The following SLC24A2 variants were observed in gnomAD, a reference collection of about 807,000 sequenced individuals.
SLC24A2 encodes solute carrier family 24 member 2, also known as sodium/potassium/calcium exchanger 2.
In SLC24A2, 36 loss-of-function variants were observed where a neutral mutation model predicts 62.0. The ratio of observed to expected loss-of-function variants is 0.58; its 90% CI spans 0.44 to 0.77. The LOEUF (loss-of-function observed/expected upper bound fraction) is 0.77. Among genes scored for constraint, SLC24A2 ranks in the 30% least tolerant of loss-of-function variants. SLC24A2 has a pLI of 0.00. For synonymous variants in SLC24A2, 358 were observed against 294.0 expected (o/e 1.22, Z -2.23); for missense variants, 846 against 817.9 (o/e 1.03, Z -0.42).
At chr9:20,246,738 C>G in the SLC24A2 span, among the ~76,000 whole-genome samples, 1 of 152,176 alleles carries the variant, frequency 6.6e-6, no homozygotes, top group African/African-American at 2.4e-5. Context: ...GCCTTGGAAT[C>G]CTTCAGCAAC....
the SLC24A2 span, among the ~76,000 whole-genome samples, chr9:20,019,079 AAG>A: frequency 1.8e-5 from 2 of 112,630 alleles, no homozygotes; most frequent in African/African-American, 3.4e-5. Flanking sequence ...GAAACAGAGA[AAG>A]AGAGAAAGAA....
At chr9:20,109,830 G>A in the SLC24A2 span, among the ~76,000 whole-genome samples, 3 of 152,044 alleles carry the variant, frequency 2.0e-5, no homozygotes, top group South Asian at 2.1e-4. Context: ...CAACACACAA[G>A]GAGAGCACAC....
the SLC24A2 span, among the ~76,000 whole-genome samples, chr9:20,269,413 T>G: frequency 6.6e-6 from 1 of 152,074 alleles, no homozygotes; most frequent in Non-Finnish European, 1.5e-5. Context: ...GCTCTTCTCC[T>G]CCTCCCACCC....
At position 19,509,549 on chromosome 9, in the gene SLC24A2, T is replaced by C. The variant is rs556694381; in HGVS notation, c.*6604A>G. 5 of 152,278 alleles carry C rather than the reference T, an allele frequency of 3.3e-5. No individual in the cohort carries two copies. The South Asian group carries it at 6.2e-4, about 19-fold the overall frequency. The allele number at this position is 152,278 out of a possible 1,614,324, so 9.4% of individuals were successfully genotyped here. On this transcript the variant is annotated 3_prime_UTR_variant, in exon 11 of 11. Transcript: ENST00000341998. ...TCTTATGAAGTACTATAAAGTGCAA[T>C]ATTAAAAAATTAAAAAACCCAAAAG... is the stretch of plus-strand genomic sequence containing the variant.
intron 4 of SLC24A2, among the ~76,000 whole-genome samples, chr9:19,612,042 G>A (rs1267280914): frequency 1.3e-5 from 2 of 152,088 alleles, no homozygotes; most frequent in African/African-American, 4.8e-5. Flanking sequence ...AAACCACTTG[G>A]GGTCTCAGTT....
intron 2 of SLC24A2, among the ~76,000 whole-genome samples, chr9:19,696,332 C>A (rs1336503769): frequency 6.6e-6 from 1 of 152,130 alleles, no homozygotes; most frequent in Admixed American, 6.5e-5. Flanking sequence ...ACTCGTCTAC[C>A]AAATCTATAA....
chr9:19,855,965 T>C, the SLC24A2 span, among the ~76,000 whole-genome samples: 14 of 152,260 alleles, frequency 9.2e-5, no homozygotes, highest in East Asian at 2.7e-3. Flanking sequence ...CTCATAGTTC[T>C]TGGAGGTTTT....
chr9:20,265,388 G>T, the SLC24A2 span, among the ~76,000 whole-genome samples: 33 of 152,306 alleles, frequency 2.2e-4, 1 homozygote, highest in South Asian at 6.8e-3. Context: ...CATAAATTGT[G>T]AAGATTTCAT....
In SLC24A2 at chr9:19,515,143, T is replaced by C. The variant is rs1346742679; in HGVS notation, c.*1010A>G. 1 of 152,138 alleles carries C rather than the reference T, an allele frequency of 6.6e-6. No homozygotes were observed. The allele number at this position is 152,138 out of a possible 1,614,324, so 9.4% of individuals were successfully genotyped here. ...CTTTTGATGATAATGGGACATGCGC[T>C]GGAAAAATACAGGTTCAGTTTATAT... is the stretch of plus-strand genomic sequence containing the variant. On this transcript the variant is annotated 3_prime_UTR_variant, in exon 11 of 11. Transcript: ENST00000341998.
chr9:19,785,052 C>T (rs1192222303), intron 2 of SLC24A2, among the ~76,000 whole-genome samples: 1 of 152,166 alleles, frequency 6.6e-6, no homozygotes, highest in East Asian at 1.9e-4. Context: ...TTTAAAATCA[C>T]ATTCAGAGAT....
At chr9:20,071,992 G>C in the SLC24A2 span, among the ~76,000 whole-genome samples, 1 of 151,958 alleles carries the variant, frequency 6.6e-6, no homozygotes, top group Non-Finnish European at 1.5e-5. Context: ...GTCTGGAAGG[G>C]TCCCAAGCAC....
At chr9:19,772,699 C>A (rs546327143) in intron 2 of SLC24A2, among the ~76,000 whole-genome samples, 4 of 152,214 alleles carry the variant, frequency 2.6e-5, no homozygotes, top group East Asian at 3.9e-4. Flanking sequence ...AAGCTAATAA[C>A]AAATGTCGGC....
chr9:19,816,916 C>A, the SLC24A2 span, among the ~76,000 whole-genome samples: 10 of 152,038 alleles, frequency 6.6e-5, no homozygotes, highest in Admixed American at 3.9e-4. Context: ...TGGGTGAGGA[C>A]AAACATACAA....
chr9:20,095,036 T>C, the SLC24A2 span, among the ~76,000 whole-genome samples: 1 of 152,202 alleles, frequency 6.6e-6, no homozygotes, highest in Non-Finnish European at 1.5e-5. Flanking sequence ...TTTTTAAATA[T>C]ACTTTAACCA....
intron 7 of SLC24A2, among the ~76,000 whole-genome samples, chr9:19,555,332 A>C (rs1178614667): frequency 1.3e-5 from 2 of 152,208 alleles, no homozygotes; most frequent in African/African-American, 2.4e-5. Context: ...GAGAAACTGA[A>C]AAATCTTAGA....
In SLC24A2 at chr9:19,735,197, T is replaced by G. The variant is rs1449162673; in HGVS notation, c.930+50740A>C. Among the ~76,000 whole-genome samples the G allele has an allele frequency of 2.7e-5, 4 of 149,734 alleles. 1 individual carries two copies. Among genetic ancestry groups the G allele is most frequent in the East Asian group, 1.9e-4 (1 of 5,132 alleles). On this transcript the variant is annotated intron_variant, in intron 2 of 10. Transcript: ENST00000341998. ...AAACCCCATCAACAAGTGGGCAAAG[T>G]ATATGAACAGACACTTCTCAAAAGA... is the stretch of plus-strand genomic sequence containing the variant.
intron 2 of SLC24A2, among the ~76,000 whole-genome samples, chr9:19,754,034 T>TA (rs1025754028): frequency 2.0e-5 from 3 of 152,056 alleles, no homozygotes; most frequent in African/African-American, 4.8e-5. Context: ...AAAGCACACT[T>TA]AAAAAAAATT....
chr9:20,002,013 CT>C, the SLC24A2 span, among the ~76,000 whole-genome samples: 2 of 152,136 alleles, frequency 1.3e-5, no homozygotes, highest in East Asian at 3.9e-4. Flanking sequence ...TGATAGAATT[CT>C]TTTGATTTTC....
the SLC24A2 span, among the ~76,000 whole-genome samples, chr9:19,821,789 A>G: frequency 4.1e-4 from 63 of 152,278 alleles, 1 homozygote; most frequent in African/African-American, 1.5e-3. Context: ...TTGTAGATAC[A>G]TGTGTTGAAA....
Sources: allele counts gnomAD v4.1 joint callset (sites outside exome capture counted in the v4.1 genomes callset), GRCh38; gene constraint gnomAD v4.1.1; transcripts MANE v1.5; gene names NCBI Gene and HGNC (gene_info 2026-07-23, HGNC 2026-07-21).